LHX4: variants seen among roughly 807,000 people sequenced by gnomAD.
The protein encoded by LHX4 is LIM/homeobox protein Lhx4.
LHX4 carries 16 observed loss-of-function variants against 39.2 expected under a neutral mutation model. That is an observed-to-expected ratio of 0.41 (90% CI 0.28 to 0.62). LHX4 has a LOEUF of 0.62. Ranked by LOEUF, LHX4 falls within the 20% of genes least tolerant of loss-of-function variation. The pLI, the probability that LHX4 is intolerant of heterozygous loss-of-function variation, is 0.33. For missense variants in LHX4, 439 were observed against 511.9 expected, an observed-to-expected ratio of 0.86 and a Z score of 1.37; for synonymous variants, 206 against 198.1, an observed-to-expected ratio of 1.04 and a Z score of -0.33.
chr1:180,240,469 T>C (rs1437466528), intron 1 of LHX4, among the ~76,000 whole-genome samples: 3 of 152,226 alleles, frequency 2.0e-5, no homozygotes, highest in Non-Finnish European at 4.4e-5. Flanking sequence ...TAGAAGTCAT[T>C]GTCGGATATG....
intron 5 of LHX4, chr1:180,273,878 ATCC>A (rs1169583611): frequency 4.9e-6 from 2 of 411,770 alleles, no homozygotes; most frequent in Non-Finnish European, 9.0e-6. Context: ...TTAGGCATTC[ATCC>A]TCCTCAGTGT....
At chr1:180,235,389 G>A (rs1186093999) in intron 1 of LHX4, among the ~76,000 whole-genome samples, 2 of 152,252 alleles carry the variant, frequency 1.3e-5, no homozygotes, top group Non-Finnish European at 2.9e-5. Context: ...TGCGGACGGC[G>A]CGCCCATTAG....
intron 1 of LHX4, among the ~76,000 whole-genome samples, chr1:180,245,529 G>A (rs966464751): frequency 3.3e-5 from 5 of 152,250 alleles, no homozygotes; most frequent in African/African-American, 1.2e-4. Context: ...CTCCACGGGA[G>A]AGTCATGACA....
chr1:180,231,975 T>C (rs2149250937), intron 1 of LHX4, among the ~76,000 whole-genome samples: 1 of 152,328 alleles, frequency 6.6e-6, no homozygotes, highest in African/African-American at 2.4e-5. Context: ...TTTGAGTGTT[T>C]TCGTGTCAAC....
rs1398693130 is a variant in LHX4, at chr1:180,276,461, T to C, written c.*1882T>C. On this transcript the variant is annotated 3_prime_UTR_variant, in exon 6 of 6. Coordinates refer to ENST00000263726, the MANE Select transcript of LHX4 (RefSeq NM_033343.4). ...TGCTGCAGTGGTCATGATTTTTGCT[T>C]GAGAAGTCTGCAAACATAGACACTT... is the stretch of plus-strand genomic sequence containing the variant. 1.3e-5 allele frequency: 2 copies of C among 152,204 alleles called. No individual in the cohort carries two copies. The highest frequency in any genetic ancestry group is 4.8e-5 in the African/African-American group (2 of 41,452). 9.4% of individuals were successfully genotyped at this position (152,204 alleles called of 1,614,324 possible). A position where few individuals can be genotyped will look rare whatever the true frequency, so the allele number is the denominator to read the frequency against.
At chr1:180,259,932 G>T (rs1236190100) in intron 2 of LHX4, among the ~76,000 whole-genome samples, 1 of 151,634 alleles carries the variant, frequency 6.6e-6, no homozygotes, top group Admixed American at 6.6e-5. Context: ...GTAACAACAA[G>T]GTCTGGGGGA....
At chr1:180,261,623 AC>A (rs1177776680) in intron 2 of LHX4, among the ~76,000 whole-genome samples, 1 of 152,192 alleles carries the variant, frequency 6.6e-6, no homozygotes, top group Admixed American at 6.5e-5. Flanking sequence ...AGCCTGGGCA[AC>A]CGAGTGAGAT....
At chr1:180,263,934 C>T (rs1055387957) in intron 2 of LHX4, among the ~76,000 whole-genome samples, 5 of 152,020 alleles carry the variant, frequency 3.3e-5, no homozygotes, top group East Asian at 1.9e-4. Flanking sequence ...TGGGAGGGTT[C>T]GCAACAAGCA....
At chr1:180,236,890 C>T (rs1291333698) in intron 1 of LHX4, among the ~76,000 whole-genome samples, 1 of 152,184 alleles carries the variant, frequency 6.6e-6, no homozygotes, top group African/African-American at 2.4e-5. Context: ...GCACCAAATA[C>T]ATGGCTGCAT....
intron 2 of LHX4, among the ~76,000 whole-genome samples, chr1:180,253,672 G>A (rs367841930): frequency 4.2e-4 from 64 of 152,222 alleles, no homozygotes; most frequent in African/African-American, 1.4e-3. Context: ...CTAACCCACC[G>A]AGCTAGGAAG....
At chr1:180,253,824 G>T (rs1047582254) in intron 2 of LHX4, among the ~76,000 whole-genome samples, 11 of 152,182 alleles carry the variant, frequency 7.2e-5, no homozygotes, top group African/African-American at 2.7e-4. Context: ...GCCTGCGCTG[G>T]CTTTCCTGGT....
At position 180,234,108 on chromosome 1, in the gene LHX4, C is replaced by A. The variant is rs957860826; in HGVS notation, c.76+3503C>A. Among the ~76,000 whole-genome samples, 12 of 143,984 alleles carry A rather than the reference C, an allele frequency of 8.3e-5. No homozygotes were observed. Among genetic ancestry groups the A allele is most frequent in the Non-Finnish European group, 1.7e-4 (11 of 65,902 alleles). 94.5% of individuals were successfully genotyped at this position (143,984 alleles called of 152,430 possible). A position where few individuals can be genotyped will look rare whatever the true frequency, so the allele number is the denominator to read the frequency against. On this transcript the variant is annotated intron_variant, in intron 1 of 5. Transcript: ENST00000263726. This position sits in a 1 kb window ranked among gnomAD's most constrained non-coding sequence, Gnocchi z 4.8. ...CACTCAAACGCTGGTGCTGTTCGCT[C>A]TTCTTTCCATTCCTGCCTTGTCTCC...
chr1:180,228,771 C>T (rs1558204080), upstream of LHX4, among the ~76,000 whole-genome samples: 1 of 152,244 alleles, frequency 6.6e-6, no homozygotes. Flanking sequence ...TCCCCCGCCC[C>T]ATGCTCCTCC....
chr1:180,231,576 GC>G (rs1664181620), intron 1 of LHX4, among the ~76,000 whole-genome samples: 1 of 145,822 alleles, frequency 6.9e-6, no homozygotes, highest in Non-Finnish European at 1.5e-5. Context: ...GCGCGCGCGC[GC>G]GACAAGCGCC....
intron 2 of LHX4, among the ~76,000 whole-genome samples, chr1:180,257,424 G>T (rs1188721070): frequency 6.6e-6 from 1 of 152,230 alleles, no homozygotes; most frequent in East Asian, 1.9e-4. Context: ...CATGTGACAT[G>T]GGGGCTGTGT....
intron 2 of LHX4, among the ~76,000 whole-genome samples, chr1:180,255,679 C>T (rs563139254): frequency 6.6e-6 from 1 of 152,220 alleles, no homozygotes; most frequent in Admixed American, 6.5e-5. Flanking sequence ...CCGAAGCTCC[C>T]CCAGGGACCG....
At chr1:180,244,284 G>T (rs939839718) in intron 1 of LHX4, among the ~76,000 whole-genome samples, 1 of 152,078 alleles carries the variant, frequency 6.6e-6, no homozygotes, top group Non-Finnish European at 1.5e-5. Flanking sequence ...AACTTAAAGG[G>T]CACCCTTGGT....
intron 1 of LHX4, among the ~76,000 whole-genome samples, chr1:180,243,203 G>T (rs1647237121): frequency 6.6e-6 from 1 of 151,960 alleles, no homozygotes; most frequent in Non-Finnish European, 1.5e-5. Flanking sequence ...TGGCCAGGCT[G>T]GTCTCAAACT....
intron 3 of LHX4, chr1:180,271,040 T>G: frequency 2.6e-6 from 1 of 378,466 alleles, no homozygotes; most frequent in Non-Finnish European, 5.1e-6. Context: ...CTCATGAGGA[T>G]GTGTGAGCAG....
Sources: gnomAD v4.1 joint callset for allele counts (sites outside exome capture counted in the v4.1 genomes callset) on GRCh38, gnomAD v4.1.1 for gene constraint, Gnocchi (gnomAD v3.1) non-coding constraint, MANE v1.5 for transcripts, NCBI Gene and HGNC (gene_info 2026-07-23, HGNC 2026-07-21) for gene names.